The following LDAH variants were observed in gnomAD, a reference collection of about 807,000 sequenced individuals.
The protein encoded by LDAH is lipid droplet-associated hydrolase.
Under a neutral mutation model 29.6 loss-of-function variants are expected in LDAH, and 26 were observed. That is an observed-to-expected ratio of 0.88 (90% CI 0.64 to 1.22). LDAH has a LOEUF of 1.22. Ranked by LOEUF, LDAH falls within the 50% of genes most tolerant of loss-of-function variation. The probability of loss-of-function intolerance (pLI) is 0.00; values close to 1 mark genes in which losing one functional copy is unlikely to be tolerated. For synonymous variants in LDAH, 117 were observed against 133.0 expected (o/e 0.88, Z 0.83); for missense variants, 344 against 387.3 (o/e 0.89, Z 0.94).
At chr2:20,722,648 C>T (rs940349343) in intron 5 of LDAH, among the ~76,000 whole-genome samples, 1 of 152,232 alleles carries the variant, frequency 6.6e-6, no homozygotes. Context: ...ACCCCATTTA[C>T]CCTAATCTGA....
At chr2:20,693,211 G>C (rs1663166701) in intron 6 of LDAH, among the ~76,000 whole-genome samples, 1 of 148,532 alleles carries the variant, frequency 6.7e-6, no homozygotes, top group Non-Finnish European at 1.5e-5. Flanking sequence ...ACTCTTAAAG[G>C]CTGCTGCTTT....
At chr2:20,792,878 C>T (rs551035833) in intron 2 of LDAH, among the ~76,000 whole-genome samples, 12 of 152,232 alleles carry the variant, frequency 7.9e-5, no homozygotes, top group Middle Eastern at 3.4e-3. Context: ...ATGTAACAAA[C>T]GTGCACATTC....
At chr2:20,789,909 A>C (rs1670827640) in intron 3 of LDAH, among the ~76,000 whole-genome samples, 2 of 152,320 alleles carry the variant, frequency 1.3e-5, no homozygotes, top group Middle Eastern at 3.4e-3. Flanking sequence ...TGTCTTCCAC[A>C]AAACTGGTTC....
Position 20,685,044 on chromosome 2 carries a change from G to C in LDAH, c.*1859C>G. The C allele has an allele frequency of 8.1e-7, 1 of 1,232,204 alleles. No individual in the cohort carries two copies. The highest frequency in any genetic ancestry group is 1.1e-6 in the Non-Finnish European group (1 of 923,006). The allele number at this position is 1,232,204 out of a possible 1,614,324, so 76.3% of individuals were successfully genotyped here. On this transcript the variant is annotated 3_prime_UTR_variant, in exon 7 of 7. Transcript: ENST00000237822. The stretch of plus-strand genomic sequence containing the variant: ...CTTGCCCAACACAGAGATCAGGCCA[G>C]ACCAGGTCAGAAATGCTGGTAAAAC...
intron 5 of LDAH, among the ~76,000 whole-genome samples, chr2:20,739,321 ACATTATAGATT>A (rs1405380908): frequency 6.6e-6 from 1 of 152,240 alleles, no homozygotes; most frequent in Non-Finnish European, 1.5e-5. Context: ...TGTTATCCCC[ACATTATAGATT>A]AAGAAACTAG....
chr2:20,749,667 G>C (rs1434904694), intron 4 of LDAH, among the ~76,000 whole-genome samples: 1 of 152,166 alleles, frequency 6.6e-6, no homozygotes, highest in Non-Finnish European at 1.5e-5. Context: ...TATGTGGTAA[G>C]AAGCAAATCC....
At chr2:20,688,596 T>G (rs192374266) in intron 6 of LDAH, among the ~76,000 whole-genome samples, 1 of 152,240 alleles carries the variant, frequency 6.6e-6, no homozygotes, top group East Asian at 1.9e-4. Flanking sequence ...GCTCACTGGA[T>G]AGTTTGAGTG....
intron 4 of LDAH, among the ~76,000 whole-genome samples, chr2:20,741,979 G>C (rs1216789650): frequency 6.6e-6 from 1 of 152,080 alleles, no homozygotes; most frequent in Non-Finnish European, 1.5e-5. Flanking sequence ...CACGATCCTG[G>C]CTCATTGCAG....
intron 3 of LDAH, among the ~76,000 whole-genome samples, chr2:20,787,702 AT>A (rs1332892777): frequency 3.3e-5 from 5 of 152,208 alleles, no homozygotes; most frequent in African/African-American, 1.2e-4. Context: ...TATGCTAAAT[AT>A]TTTCTTAATG....
At chr2:20,790,902 A>G (rs1294588323) in intron 2 of LDAH, among the ~76,000 whole-genome samples, 1 of 152,214 alleles carries the variant, frequency 6.6e-6, no homozygotes, top group Non-Finnish European at 1.5e-5. Flanking sequence ...AAGAAACAAT[A>G]AATAAACGAT....
rs1427463969 is a variant in LDAH, at chr2:20,770,430, G to A, written c.468+4380C>T. Among the ~76,000 whole-genome samples the A allele has an allele frequency of 2.6e-5, 4 of 152,098 alleles. No individual in the cohort carries two copies. In the South Asian group the frequency reaches 8.3e-4, roughly 32 times the overall value. ...GAAAATTAAAGTTATATTAATTAAA[G>A]TTCACCCCAAGACTCAGTGAAGAAT... On this transcript the variant is annotated intron_variant, in intron 4 of 6. Transcript: ENST00000237822.
chr2:20,797,709 A>G (rs925231301), intron 2 of LDAH, among the ~76,000 whole-genome samples: 2 of 152,192 alleles, frequency 1.3e-5, no homozygotes, highest in African/African-American at 2.4e-5. Flanking sequence ...CAGACATTTG[A>G]GGAAAACTAA....
intron 5 of LDAH, among the ~76,000 whole-genome samples, chr2:20,725,923 A>G (rs1417620973): frequency 6.6e-6 from 1 of 152,226 alleles, no homozygotes; most frequent in Non-Finnish European, 1.5e-5. Flanking sequence ...ACAACAGAGT[A>G]GAAACATACG....
intron 5 of LDAH, among the ~76,000 whole-genome samples, chr2:20,722,484 G>A (rs1665724253): frequency 1.3e-5 from 2 of 151,768 alleles, no homozygotes; most frequent in African/African-American, 2.4e-5. Context: ...AGAGAAATTG[G>A]TTAAGGGGTA....
intron 5 of LDAH, among the ~76,000 whole-genome samples, chr2:20,732,393 T>C (rs1328328723): frequency 1.3e-5 from 2 of 152,194 alleles, no homozygotes; most frequent in African/African-American, 4.8e-5. Context: ...TAGATAATAC[T>C]AGCTTCAAAA....
intron 1 of LDAH, among the ~76,000 whole-genome samples, chr2:20,813,199 C>T (rs941863262): frequency 6.6e-6 from 1 of 152,174 alleles, no homozygotes; most frequent in African/African-American, 2.4e-5. Flanking sequence ...CTCCACTCTA[C>T]CTCTCCTCCT....
At chr2:20,786,355 A>C (rs779107597) in intron 3 of LDAH, among the ~76,000 whole-genome samples, 6 of 151,932 alleles carry the variant, frequency 3.9e-5, no homozygotes, top group Non-Finnish European at 8.8e-5. Context: ...ATGCCCGGCT[A>C]ATTTTTGTAT....
intron 5 of LDAH, among the ~76,000 whole-genome samples, chr2:20,731,382 A>G (rs2149421706): frequency 6.6e-6 from 1 of 152,318 alleles, no homozygotes; most frequent in Non-Finnish European, 1.5e-5. Context: ...CTCCCATGTT[A>G]GACGCCTGCT....
intron 1 of LDAH, among the ~76,000 whole-genome samples, chr2:20,811,329 A>G (rs1006169122): frequency 7.3e-5 from 11 of 151,396 alleles, no homozygotes; most frequent in Non-Finnish European, 1.3e-4. Context: ...CAACCTTCTA[A>G]AAACTGATTT....
Sources: gnomAD v4.1 joint callset for allele counts (sites outside exome capture counted in the v4.1 genomes callset) on GRCh38, gnomAD v4.1.1 for gene constraint, MANE v1.5 for transcripts, NCBI Gene and HGNC (gene_info 2026-07-23, HGNC 2026-07-21) for gene names.